Variants in DNAH9 observed in about 807,000 individuals in gnomAD.
The protein encoded by DNAH9 is DNAH9 variant protein.
In DNAH9, 345 loss-of-function variants were observed where a neutral mutation model predicts 471.6. The observed-to-expected ratio is 0.73, with a 90% CI of 0.67 to 0.80. The LOEUF is 0.80. Ranked by LOEUF, DNAH9 falls within the 30% of genes least tolerant of loss-of-function variation. The pLI, the probability that DNAH9 is intolerant of heterozygous loss-of-function variation, is 0.00. For missense variants in DNAH9, 5,407 were observed against 5,609.2 expected, an observed-to-expected ratio of 0.96 and a Z score of 1.15; for synonymous variants, 2,093 against 2,123.6, an observed-to-expected ratio of 0.99 and a Z score of 0.40.
intron 35 of DNAH9, 118 bp downstream of exon 35, chr17:11,757,810 T>C: frequency 8.9e-7 from 1 of 1,117,540 alleles, no homozygotes; most frequent in South Asian, 1.6e-5. Context: ...CCCAGAGCGA[T>C]CTCCTCCAGG....
chr17:11,739,078 A>T, intron 29 of DNAH9, 41 bp downstream of exon 29: 2 of 1,504,832 alleles, frequency 1.3e-6, no homozygotes, highest in Non-Finnish European at 1.8e-6. Flanking sequence ...CCCAAAAGAG[A>T]AGTTTCTTTC....
At chr17:11,699,505 G>A (rs925881136) in intron 22 of DNAH9, among the ~76,000 whole-genome samples, 1 of 152,200 alleles carries the variant, frequency 6.6e-6, no homozygotes, top group Non-Finnish European at 1.5e-5. Context: ...TTTATAGCTA[G>A]TGCACAACTC....
chr17:11,881,293 C>T lies in DNAH9; in HGVS notation c.10686C>T (p.Tyr3562=). Residue 3562 remains tyrosine, a synonymous_variant, in exon 55 of 69, where the codon TAC becomes TAT. Transcript: ENST00000262442. ...ACACCAAGCTGGCTAATCCTCACTA[C>T]CAGCCTGAGCTGCAGGCTCAGGCCA... is the stretch of plus-strand genomic sequence containing the variant. ...ILHTKLANPH[Y]QPELQAQATL... 1 of 1,614,194 alleles carries T rather than the reference C, an allele frequency of 6.2e-7. No homozygotes were observed. The highest frequency in any genetic ancestry group is 8.5e-7 in the Non-Finnish European group (1 of 1,180,036).
At chr17:11,968,076 G>C (rs1316120829) in intron 68 of DNAH9, among the ~76,000 whole-genome samples, 1 of 152,156 alleles carries the variant, frequency 6.6e-6, no homozygotes, top group African/African-American at 2.4e-5. Context: ...TGATCATAGA[G>C]TTTCTTTTTG....
chr17:11,651,876 C>T (rs2073513824), intron 13 of DNAH9, among the ~76,000 whole-genome samples: 1 of 151,854 alleles, frequency 6.6e-6, no homozygotes, highest in Admixed American at 6.6e-5. Context: ...TGATGACTTT[C>T]ATGAAAAGCC....
In DNAH9 at chr17:11,963,369, G is replaced by A. The variant is rs541574861; in HGVS notation, c.13233+1113G>A. On this transcript the variant is annotated intron_variant, in intron 68 of 68. Transcript: ENST00000262442. The stretch of plus-strand genomic sequence containing the variant: ...GAATCGCTTGAACCCGGGAGGTGGA[G>A]GTTGCAGTGAGCCGAGATCGCACCA... Among the ~76,000 whole-genome samples, 7 of 152,096 alleles carry A rather than the reference G, an allele frequency of 4.6e-5. No individual in the cohort carries two copies. The South Asian group carries it at 8.3e-4, about 18-fold the overall frequency.
intron 22 of DNAH9, among the ~76,000 whole-genome samples, chr17:11,694,712 C>CTT (rs2074413301): frequency 6.8e-4 from 3 of 4,432 alleles, no homozygotes; most frequent in African/African-American, 5.9e-4. Context: ...CTCTCTCTCT[C>CTT]TCTCTCTCTC....
rs202059757 is a variant in DNAH9 at position 11,904,630 on chromosome 17, C to CAAAAAA, written c.11601-1009_11601-1004dup. 6.4e-3 allele frequency among the ~76,000 whole-genome samples: 712 copies of CAAAAAA among 111,204 alleles called. 12 individuals carry two copies. The highest frequency in any genetic ancestry group is 0.034 in the East Asian group (106 of 3,126). The allele number at this position is 111,204 out of a possible 152,430, so 73.0% of individuals were successfully genotyped here. On this transcript the variant is annotated intron_variant, in intron 60 of 68. Transcript: ENST00000262442. ...TGGGCGACAGAGTGAGACTCCATCT[C>CAAAAAA]AAAAAAAAAAAAAAAAAAAAAAAAA...
chr17:11,903,843 A>C (rs1297199497), intron 60 of DNAH9, among the ~76,000 whole-genome samples: 2 of 152,050 alleles, frequency 1.3e-5, no homozygotes, highest in Non-Finnish European at 2.9e-5. Context: ...CCTGGGAAGC[A>C]GAGGTTGCAG....
intron 54 of DNAH9, among the ~76,000 whole-genome samples, chr17:11,880,772 C>T (rs1054138399): frequency 6.6e-6 from 1 of 152,122 alleles, no homozygotes; most frequent in African/African-American, 2.4e-5. Context: ...TTACTGTCCT[C>T]AAGTCGTGCT....
At chr17:11,877,530 G>A (rs1457147187) in intron 53 of DNAH9, among the ~76,000 whole-genome samples, 1 of 148,118 alleles carries the variant, frequency 6.8e-6, no homozygotes, top group Admixed American at 6.8e-5. Flanking sequence ...TTGAAGCTGG[G>A]TCATCCTCAC....
At chr17:11,791,218 T>C (rs916142477) in intron 41 of DNAH9, among the ~76,000 whole-genome samples, 2 of 152,242 alleles carry the variant, frequency 1.3e-5, no homozygotes, top group African/African-American at 2.4e-5. Flanking sequence ...CTTGGATTTC[T>C]AGGTTGGTTG....
Position 11,945,686 on chromosome 17 carries a change from G to A in DNAH9, c.12843+3201G>A, listed in dbSNP as rs550785548. On this transcript the variant is annotated intron_variant, in intron 67 of 68. Coordinates refer to ENST00000262442, the MANE Select transcript of DNAH9 (RefSeq NM_001372.4). ...GGTGAGGAATGAAAAATTACTTATT[G>A]GGTACAGTGTTCACTATTCAGGTGA... Among the ~76,000 whole-genome samples the A allele has an allele frequency of 1.6e-3, 246 of 152,168 alleles. 2 individuals are homozygous for A. Among genetic ancestry groups the A allele is most frequent in the African/African-American group, 5.4e-3 (223 of 41,512 alleles).
Position 11,669,798 on chromosome 17 carries a change from C to T in DNAH9, c.3353+4C>T. ...TTGTGGACCACGTCACTCACAGGTACAACAGTTGTTTTCACTTTCTTCCAG... is the reference window on the plus strand; with the variant it reads ...TTGTGGACCACGTCACTCACAGGTATAACAGTTGTTTTCACTTTCTTCCAG... On this transcript the variant is annotated splice_donor_region_variant and intron_variant, in intron 17 of 68. Transcript: ENST00000262442. 1 of 1,610,958 alleles carries T rather than the reference C, an allele frequency of 6.2e-7. No homozygotes were observed. The highest frequency in any genetic ancestry group is 8.5e-7 in the Non-Finnish European group (1 of 1,177,788).
intron 61 of DNAH9, among the ~76,000 whole-genome samples, chr17:11,921,844 T>G (rs1173360692): frequency 2.0e-5 from 3 of 152,210 alleles, no homozygotes; most frequent in African/African-American, 7.2e-5. Flanking sequence ...TGCTAAACTT[T>G]GCCCGTGATG....
chr17:11,872,732 A>G (rs1207117589), intron 52 of DNAH9, among the ~76,000 whole-genome samples: 1 of 152,224 alleles, frequency 6.6e-6, no homozygotes, highest in Admixed American at 6.5e-5. Flanking sequence ...CATCTTGGCT[A>G]ACACAGTGAA....
In DNAH9 at chr17:11,773,534, T is replaced by C. The variant is rs921216940; in HGVS notation, c.7552+4205T>C. On this transcript the variant is annotated intron_variant, in intron 38 of 68. Transcript: ENST00000262442. ...AAATATATAAAAATTTACTCACTTATATGATTTTTTAAAATATATATAATA... is the reference window on the plus strand; with the variant it reads ...AAATATATAAAAATTTACTCACTTACATGATTTTTTAAAATATATATAATA... 3.9e-5 allele frequency among the ~76,000 whole-genome samples: 6 copies of C among 151,988 alleles called. No individual in the cohort carries two copies. In the East Asian group the frequency reaches 5.8e-4, roughly 15 times the overall value.
In DNAH9 at chr17:11,768,615, A is replaced by T. The variant is rs750664822; in HGVS notation, c.7333A>T (p.Met2445Leu). 1 of 1,613,956 alleles carries T rather than the reference A, an allele frequency of 6.2e-7. No homozygotes were observed. Among genetic ancestry groups the T allele is most frequent in the Admixed American group, 1.7e-5 (1 of 60,010 alleles). The change falls in exon 37 of 69, where the codon ATG (methionine) becomes TTG (leucine). Residue 2445 changes from methionine (M) to leucine (L), a missense_variant. Met to Leu is a conservative substitution (Grantham distance 15, BLOSUM62 2). Coordinates refer to ENST00000262442, the MANE Select transcript of DNAH9 (RefSeq NM_001372.4). The part of the protein sequence containing the change: ...LVPQFEFDPE[M>L]PLQACLVHTS... Reference sequence around the variant, plus strand: ...CCCCCAGTTCGAATTTGACCCCGAGATGCCCTTGCAGGTGAGTGCAGCTGA... The same window carrying T: ...CCCCCAGTTCGAATTTGACCCCGAGTTGCCCTTGCAGGTGAGTGCAGCTGA...
intron 38 of DNAH9, among the ~76,000 whole-genome samples, chr17:11,779,510 C>G (rs1036552476): frequency 6.6e-6 from 1 of 152,114 alleles, no homozygotes; most frequent in Non-Finnish European, 1.5e-5. Flanking sequence ...CCCGTGCGCT[C>G]CATGGCCACT....
Sources: gnomAD v4.1 joint callset for allele counts (sites outside exome capture counted in the v4.1 genomes callset) on GRCh38, gnomAD v4.1.1 for gene constraint, MANE v1.5 for transcripts, NCBI Gene and HGNC (gene_info 2026-07-23, HGNC 2026-07-21) for gene names.